Variants in SOD2 observed in about 807,000 individuals in gnomAD.
The protein encoded by SOD2 is superoxide dismutase 2, also known as superoxide dismutase [Mn], mitochondrial.
Under a neutral mutation model 27.0 loss-of-function variants are expected in SOD2, and 11 were observed. That is an observed-to-expected ratio of 0.41 (90% confidence interval 0.26 to 0.67). The LOEUF (loss-of-function observed/expected upper bound fraction) is 0.67, where lower values mean the gene tolerates loss of function less well. SOD2 is among the 30% of genes least tolerant of loss of function. The pLI is 0.34. For missense variants in SOD2, 250 were observed against 274.5 expected (o/e 0.91, Z 0.63); for synonymous variants, 105 against 103.0 (o/e 1.02, Z -0.12).
At chr6:159,691,182 A>G (rs1777175204) in intron 2 of SOD2, 1 of 152,238 alleles carries the variant, frequency 6.6e-6, no homozygotes, top group African/African-American at 2.4e-5. Flanking sequence ...TGTTTTTAAA[A>G]TACTGAAGAG....
At chr6:159,738,183 A>G (rs1779035627) in intron 1 of SOD2, among the ~76,000 whole-genome samples, 1 of 152,208 alleles carries the variant, frequency 6.6e-6, no homozygotes, top group South Asian at 2.1e-4. Context: ...CAAGATACAT[A>G]TCTGAACTAT....
intron 1 of SOD2, chr6:159,713,750 G>A (rs370706829): frequency 1.3e-5 from 12 of 933,096 alleles, no homozygotes; most frequent in South Asian, 1.0e-4. Flanking sequence ...ATACTTCAAC[G>A]TATCTGTGTC....
At chr6:159,693,654 C>G (rs1483367107), upstream of SOD2, among the ~76,000 whole-genome samples, 3 of 152,186 alleles carry the variant, frequency 2.0e-5, no homozygotes, top group African/African-American at 4.8e-5. Flanking sequence ...GGTTGCGCTG[C>G]CGGGGGGCCG....
At chr6:159,743,848 C>A in intron 1 of SOD2, 1 of 1,496,414 alleles carries the variant, frequency 6.7e-7, no homozygotes. Flanking sequence ...TTTTAGTCCA[C>A]ATTATTACAT....
chr6:159,723,218 T>C (rs1778074031), intron 1 of SOD2, among the ~76,000 whole-genome samples: 1 of 152,242 alleles, frequency 6.6e-6, no homozygotes, highest in African/African-American at 2.4e-5. Context: ...ATGCATTCTT[T>C]ACAGTGACAC....
exon 1 of SOD2, chr6:159,761,168 C>T (rs986400142): frequency 6.0e-6 from 1 of 167,174 alleles, no homozygotes; most frequent in Non-Finnish European, 1.3e-5. Context: ...CAGTTTTCCC[C>T]TTCATGACTT....
chr6:159,721,241 G>A (rs559665655), intron 1 of SOD2, among the ~76,000 whole-genome samples: 7 of 151,548 alleles, frequency 4.6e-5, no homozygotes, highest in Non-Finnish European at 7.4e-5. Context: ...CTAATTTTTT[G>A]TATTTTTAGT....
chr6:159,702,113 G>C (rs1777531834), intron 1 of SOD2, among the ~76,000 whole-genome samples: 1 of 152,082 alleles, frequency 6.6e-6, no homozygotes. Flanking sequence ...ATATAAATCT[G>C]ATGAGCTTAA....
rs1373252876 is a variant in SOD2, at chr6:159,674,223, G to A, written c.*8270C>T. ...ACTATTCCAATCAATAGAAAAAGAGGGAATCCTCCCTAACTCATTTTATGA... is the reference window on the plus strand; with the variant it reads ...ACTATTCCAATCAATAGAAAAAGAGAGAATCCTCCCTAACTCATTTTATGA... On this transcript the variant is annotated 3_prime_UTR_variant, in exon 5 of 5. Coordinates refer to ENST00000538183, the MANE Select transcript of SOD2 (RefSeq NM_000636.4). The A allele has an allele frequency of 5.3e-5, 8 of 152,246 alleles. No homozygotes were observed. The highest frequency in any genetic ancestry group is 1.4e-4 in the African/African-American group (6 of 41,532). 9.4% of individuals were successfully genotyped at this position (152,246 alleles called of 1,614,324 possible).
chr6:159,693,341 G>A (rs1387851348), upstream of SOD2: 2 of 155,586 alleles, frequency 1.3e-5, no homozygotes, highest in Non-Finnish European at 1.9e-5. Context: ...CCCCCCCCCC[G>A]CGGGCCCCGC....
chr6:159,711,742 C>G (rs369435962), intron 1 of SOD2, among the ~76,000 whole-genome samples: 35 of 111,296 alleles, frequency 3.1e-4, no homozygotes, highest in African/African-American at 1.1e-3. Flanking sequence ...ACAACCACCA[C>G]TCACATTGCT....
At chr6:159,710,362 A>G (rs1202151015) in intron 1 of SOD2, among the ~76,000 whole-genome samples, 2 of 151,490 alleles carry the variant, frequency 1.3e-5, no homozygotes, top group East Asian at 3.9e-4. Context: ...GGCAGGAGAA[A>G]TCACTTGAAC....
intron 1 of SOD2, chr6:159,727,039 G>A (rs1039169975): frequency 8.2e-7 from 1 of 1,226,490 alleles, no homozygotes; most frequent in African/African-American, 1.6e-5. Flanking sequence ...AGGTGGCCCC[G>A]GCGAGTACTT....
rs1414244800 is a variant in SOD2, at chr6:159,678,764, T to A, written c.*3729A>T. 6.6e-6 allele frequency: 1 copy of A among 152,180 alleles called. No individual in the cohort carries two copies. Among genetic ancestry groups the A allele is most frequent in the Non-Finnish European group, 1.5e-5 (1 of 68,026 alleles). The allele number at this position is 152,180 out of a possible 1,614,324, so 9.4% of individuals were successfully genotyped here. ...ATTGGTATCTGGAGTGGGGGCAGTC[T>A]TGTGGGCTGAGCCCTCCACCTGTGG... On this transcript the variant is annotated 3_prime_UTR_variant, in exon 5 of 5. Transcript: ENST00000538183.
At chr6:159,715,928 A>G (rs1777915430) in intron 1 of SOD2, among the ~76,000 whole-genome samples, 1 of 152,100 alleles carries the variant, frequency 6.6e-6, no homozygotes, top group Non-Finnish European at 1.5e-5. Context: ...AAAGTTCTGA[A>G]AATAAAATCC....
At chr6:159,719,743 T>A (rs1777994304) in intron 1 of SOD2, among the ~76,000 whole-genome samples, 1 of 150,994 alleles carries the variant, frequency 6.6e-6, no homozygotes, top group African/African-American at 2.4e-5. Flanking sequence ...TTTTTTTTTT[T>A]GAGAGAGTCT....
intron 1 of SOD2, among the ~76,000 whole-genome samples, chr6:159,734,482 TTAAAG>T (rs768744679): frequency 4.1e-4 from 63 of 152,206 alleles, no homozygotes; most frequent in Non-Finnish European, 6.5e-4. Flanking sequence ...CATAAACACT[TTAAAG>T]TAAGGGAAGA....
At chr6:159,703,749 C>T (rs549993610) in intron 1 of SOD2, among the ~76,000 whole-genome samples, 3 of 152,314 alleles carry the variant, frequency 2.0e-5, no homozygotes, top group African/African-American at 4.8e-5. Context: ...CAACATTTAA[C>T]ACAAGTGAAA....
At chr6:159,693,061 C>A in intron 1 of SOD2, 84 bp downstream of exon 1, 1 of 1,499,464 alleles carries the variant, frequency 6.7e-7, no homozygotes, top group South Asian at 1.2e-5. Flanking sequence ...CCCGGTGCGG[C>A]CACTGTCGCC....
Sources: allele counts gnomAD v4.1 joint callset (sites outside exome capture counted in the v4.1 genomes callset), GRCh38; gene constraint gnomAD v4.1.1; transcripts MANE v1.5; gene names NCBI Gene and HGNC (gene_info 2026-07-23, HGNC 2026-07-21).